Variants in SLAMF7 observed in about 807,000 individuals in gnomAD.
SLAMF7 encodes the protein 19A24 protein.
A neutral mutation model predicts 34.1 loss-of-function variants in SLAMF7; 26 were observed. The ratio of observed to expected loss-of-function variants is 0.76; its 90% confidence interval spans 0.56 to 1.06. The LOEUF is 1.06. SLAMF7 is among the 50% of genes least tolerant of loss of function. The pLI is 0.00. For synonymous variants in SLAMF7, 171 were observed against 156.4 expected, an observed-to-expected ratio of 1.09 and a Z score of -0.70; for missense variants, 399 against 402.5, an observed-to-expected ratio of 0.99 and a Z score of 0.07.
chr1:160,746,609 A>G (rs1664150796), intron 1 of SLAMF7, among the ~76,000 whole-genome samples: 1 of 152,264 alleles, frequency 6.6e-6, no homozygotes, highest in Non-Finnish European at 1.5e-5. Flanking sequence ...TATGAGAGAT[A>G]CACAGCAAAG....
At chr1:160,749,728 C>T (rs891874546) in intron 2 of SLAMF7, 93 bp from the exon 3 acceptor site, 1 of 1,143,398 alleles carries the variant, frequency 8.7e-7, no homozygotes, top group Non-Finnish European at 1.2e-6. Flanking sequence ...CTGGAGCTCC[C>T]AGGGAGATTC....
At chr1:160,749,766 G>C (rs777464064) in intron 2 of SLAMF7, 55 bp from the exon 3 acceptor site, 22 of 1,452,758 alleles carry the variant, frequency 1.5e-5, no homozygotes, top group Non-Finnish European at 2.0e-5. Context: ...GGATAATTCA[G>C]AGAATGGAGA....
intron 6 of SLAMF7, among the ~76,000 whole-genome samples, chr1:160,752,649 T>C (rs974315408): frequency 6.6e-6 from 1 of 152,210 alleles, no homozygotes; most frequent in Admixed American, 6.5e-5. Context: ...ATCTCTACTT[T>C]TCTCCCATGG....
In SLAMF7 at chr1:160,749,930, T is replaced by C. The variant is rs1452547829; in HGVS notation, c.486T>C (p.Tyr162=). Residue 162 remains tyrosine, a synonymous_variant, in exon 3 of 7, where the codon TAT becomes TAC. Coordinates refer to ENST00000368043, the MANE Select transcript of SLAMF7 (RefSeq NM_021181.5). ...CMEHGEEDVI[Y]TWKALGQAAN... The stretch of plus-strand genomic sequence containing the variant: ...AACATGGGGAAGAGGATGTGATTTA[T>C]ACCTGGAAGGCCCTGGGGCAAGCAG... 9 of 1,614,156 alleles carry C rather than the reference T, an allele frequency of 5.6e-6. No homozygotes were observed. The highest frequency in any genetic ancestry group is 7.6e-6 in the Non-Finnish European group (9 of 1,179,972).
In SLAMF7 at chr1:160,753,435, C is replaced by A; in HGVS notation, c.*258C>A. On this transcript the variant is annotated 3_prime_UTR_variant, in exon 7 of 7. Transcript: ENST00000368043. ...AATGGGATTGTGAATGTCAGCAAAC[C>A]ATAAAAAAAGTGCTTAGAAGTATTC... is the stretch of plus-strand genomic sequence containing the variant. 2 of 499,334 alleles carry A rather than the reference C, an allele frequency of 4.0e-6. No homozygotes were observed. Among genetic ancestry groups the A allele is most frequent in the Non-Finnish European group, 7.1e-6 (2 of 279,958 alleles). The allele number at this position is 499,334 out of a possible 1,614,324, so 30.9% of individuals were successfully genotyped here. A position where few individuals can be genotyped will look rare whatever the true frequency, so the allele number is the denominator to read the frequency against.
chr1:160,739,648 A>C (rs556880260), intron 1 of SLAMF7: 14 of 320,918 alleles, frequency 4.4e-5, no homozygotes, highest in Non-Finnish European at 6.9e-5. Flanking sequence ...TTCTGCCATG[A>C]GTTAGATAAG....
At chr1:160,751,901 T>TATATATAC (rs1187210844) in intron 5 of SLAMF7, 1 of 128,828 alleles carries the variant, frequency 7.8e-6, no homozygotes, top group South Asian at 2.4e-4. Flanking sequence ...TATATATATA[T>TATATATAC]ACACACACAT....
intron 1 of SLAMF7, among the ~76,000 whole-genome samples, chr1:160,744,001 A>G (rs1663947216): frequency 6.6e-6 from 1 of 152,270 alleles, no homozygotes; most frequent in South Asian, 2.1e-4. Flanking sequence ...TTCCCTTTCC[A>G]TAACACATGT....
At chr1:160,739,467 C>A in intron 1 of SLAMF7, 111 bp downstream of exon 1, 1 of 870,990 alleles carries the variant, frequency 1.1e-6, no homozygotes, top group Non-Finnish European at 1.8e-6. Context: ...TCTGTGTTCT[C>A]ATCTAACATT....
chr1:160,741,975 T>A (rs3856332), intron 1 of SLAMF7, among the ~76,000 whole-genome samples: 1,739 of 152,192 alleles, frequency 0.011, 26 homozygotes, highest in African/African-American at 0.04. Context: ...ACTGCTACAT[T>A]TGGACAGAGG....
At chr1:160,741,559 T>G (rs1663743716) in intron 1 of SLAMF7, among the ~76,000 whole-genome samples, 1 of 152,220 alleles carries the variant, frequency 6.6e-6, no homozygotes, top group Admixed American at 6.5e-5. Context: ...TGGGTTTTTT[T>G]TGCCTTTTTT....
chr1:160,745,184 A>G (rs531805192), intron 1 of SLAMF7, among the ~76,000 whole-genome samples: 1 of 152,188 alleles, frequency 6.6e-6, no homozygotes, highest in Non-Finnish European at 1.5e-5. Flanking sequence ...TCAGATCTGT[A>G]AGCAAGGGAG....
At chr1:160,749,443 A>G (rs1664383053) in intron 2 of SLAMF7, among the ~76,000 whole-genome samples, 1 of 141,870 alleles carries the variant, frequency 7.0e-6, no homozygotes, top group African/African-American at 2.5e-5. Context: ...AGTAAAGTGA[A>G]CTCTCATAGA....
intron 1 of SLAMF7, among the ~76,000 whole-genome samples, chr1:160,741,553 T>G (rs1033241617): frequency 1.3e-4 from 19 of 151,862 alleles, no homozygotes; most frequent in Non-Finnish European, 2.4e-4. Context: ...CCACTTTGGG[T>G]TTTTTTTGCC....
At chr1:160,739,915 G>A (rs1485991808) in intron 1 of SLAMF7, among the ~76,000 whole-genome samples, 1 of 152,062 alleles carries the variant, frequency 6.6e-6, no homozygotes, top group African/African-American at 2.4e-5. Flanking sequence ...TAATCCCATG[G>A]AGGACAGAGG....
chr1:160,739,450 G>T, intron 1 of SLAMF7, 94 bp downstream of exon 1: 1 of 1,049,516 alleles, frequency 9.5e-7, no homozygotes, highest in South Asian at 1.5e-5. Flanking sequence ...GGCTCAACTC[G>T]GGAGGCTCTG....
chr1:160,753,461 C>A lies in SLAMF7; in HGVS notation c.*284C>A. On this transcript the variant is annotated 3_prime_UTR_variant, in exon 7 of 7. Transcript: ENST00000368043. ...ATAAAAAAAGTGCTTAGAAGTATTC[C>A]TATAAAAATGTAAATGCAAGGTCAC... 2.3e-6 allele frequency: 1 copy of A among 442,312 alleles called. No individual in the cohort carries two copies. The highest frequency in any genetic ancestry group is 4.1e-6 in the Non-Finnish European group (1 of 245,860). The allele number at this position is 442,312 out of a possible 1,614,324, so 27.4% of individuals were successfully genotyped here. A position where few individuals can be genotyped will look rare whatever the true frequency, so the allele number is the denominator to read the frequency against.
At chr1:160,750,524 T>C (rs1664486351) in intron 4 of SLAMF7, 101 bp downstream of exon 4, 1 of 1,392,890 alleles carries the variant, frequency 7.2e-7, no homozygotes, top group Non-Finnish European at 9.8e-7. Flanking sequence ...TGGCATGAGG[T>C]GTTGAAGATG....
At chr1:160,740,304 A>T (rs1170719859) in intron 1 of SLAMF7, among the ~76,000 whole-genome samples, 2 of 152,140 alleles carry the variant, frequency 1.3e-5, no homozygotes, top group African/African-American at 4.8e-5. Flanking sequence ...AACAAAAAAA[A>T]AACTCCCTGA....
Sources: allele counts gnomAD v4.1 joint callset (sites outside exome capture counted in the v4.1 genomes callset), GRCh38; gene constraint gnomAD v4.1.1; transcripts MANE v1.5; gene names NCBI Gene and HGNC (gene_info 2026-07-23, HGNC 2026-07-21).